Variants in ZPBP observed in about 807,000 individuals in gnomAD.
ZPBP encodes zona pellucida-binding protein 1.
In ZPBP, 26 loss-of-function variants were observed where a neutral mutation model predicts 44.8. That is an observed-to-expected ratio of 0.58 (90% CI 0.43 to 0.81). The LOEUF is 0.81. Among genes scored for constraint, ZPBP ranks in the 30% least tolerant of loss-of-function variants. The pLI, the probability that ZPBP is intolerant of heterozygous loss-of-function variation, is 0.00. For missense variants in ZPBP, 409 were observed against 434.0 expected, an observed-to-expected ratio of 0.94 and a Z score of 0.51; for synonymous variants, 174 against 153.2, an observed-to-expected ratio of 1.14 and a Z score of -1.00.
At chr7:49,913,838 T>C (rs1793585528) in intron 1 of ZPBP, 1 of 152,128 alleles carries the variant, frequency 6.6e-6, no homozygotes, top group Non-Finnish European at 1.5e-5. Flanking sequence ...TCTATCATAA[T>C]TGAAAAATTA....
intron 2 of ZPBP, among the ~76,000 whole-genome samples, chr7:49,876,855 A>G (rs970627009): frequency 6.6e-6 from 1 of 152,124 alleles, no homozygotes; most frequent in Non-Finnish European, 1.5e-5. Flanking sequence ...TCTAAAGAAT[A>G]TGACACAACG....
intron 2 of ZPBP, among the ~76,000 whole-genome samples, chr7:49,896,250 A>G (rs1354626560): frequency 6.6e-6 from 1 of 152,204 alleles, no homozygotes; most frequent in East Asian, 1.9e-4. Flanking sequence ...CTGAGGCACA[A>G]GAATCGCTTG....
intron 2 of ZPBP, among the ~76,000 whole-genome samples, chr7:50,083,106 A>G (rs1802455606): frequency 6.6e-6 from 1 of 151,874 alleles, no homozygotes. Context: ...CTTTGGCTTG[A>G]CAGTACCTCA....
At chr7:49,893,119 G>A (rs1792214961) in intron 2 of ZPBP, among the ~76,000 whole-genome samples, 3 of 152,156 alleles carry the variant, frequency 2.0e-5, no homozygotes, top group Admixed American at 2.0e-4. Context: ...AGAATGTTGA[G>A]CATGAGAATA....
chr7:50,022,911 T>C (rs2128807948), intron 5 of ZPBP, among the ~76,000 whole-genome samples: 1 of 152,226 alleles, frequency 6.6e-6, no homozygotes. Context: ...ATGAGGAGTA[T>C]TCTTGGGCAG....
At chr7:50,008,929 G>A (rs1378043221) in intron 6 of ZPBP, among the ~76,000 whole-genome samples, 1 of 151,984 alleles carries the variant, frequency 6.6e-6, no homozygotes, top group African/African-American at 2.4e-5. Context: ...ATAAGCAAAA[G>A]AGTAAATGAA....
intron 2 of ZPBP, among the ~76,000 whole-genome samples, chr7:49,875,369 C>CAAAAAAAAAAAAAAAAAAAAAA (rs71018432): frequency 2.1e-4 from 4 of 19,014 alleles, no homozygotes; most frequent in African/African-American, 2.2e-4. Context: ...GATTCTGACT[C>CAAAAAAAAAAAAAAAAAAAAAA]AAAAAAAAAA....
intron 2 of ZPBP, among the ~76,000 whole-genome samples, chr7:49,861,231 T>C (rs1790639479): frequency 6.6e-6 from 1 of 152,202 alleles, no homozygotes. Context: ...AATCCTATTG[T>C]GGTTTGTATT....
chr7:50,019,593 A>G (rs746951570), intron 5 of ZPBP, among the ~76,000 whole-genome samples: 2 of 152,162 alleles, frequency 1.3e-5, no homozygotes, highest in Non-Finnish European at 2.9e-5. Flanking sequence ...TGTTGATATG[A>G]AGATCATAAA....
At chr7:49,885,537 C>T (rs1041048701) in intron 2 of ZPBP, among the ~76,000 whole-genome samples, 24 of 152,082 alleles carry the variant, frequency 1.6e-4, no homozygotes, top group African/African-American at 5.8e-4. Context: ...TTTCTAATAA[C>T]GTTTTTCAGT....
intron 7 of ZPBP, among the ~76,000 whole-genome samples, chr7:49,939,463 G>A (rs1174936473): frequency 3.3e-5 from 5 of 151,946 alleles, no homozygotes; most frequent in African/African-American, 1.2e-4. Context: ...CTGTTAAGTA[G>A]AACTGGGGAA....
chr7:49,970,249 TCAAA>T (rs919824343), intron 7 of ZPBP, among the ~76,000 whole-genome samples: 140 of 152,234 alleles, frequency 9.2e-4, no homozygotes, highest in African/African-American at 3.2e-3. Context: ...CTTAAAATAC[TCAAA>T]CAGAGAATCA....
intron 4 of ZPBP, among the ~76,000 whole-genome samples, chr7:50,049,844 C>G (rs1042451217): frequency 1.3e-4 from 19 of 151,376 alleles, no homozygotes; most frequent in Non-Finnish European, 2.4e-4. Flanking sequence ...AAATAAATAA[C>G]AAATACACAG....
the ZPBP span, among the ~76,000 whole-genome samples, chr7:49,845,283 A>G: frequency 6.6e-6 from 1 of 151,174 alleles, no homozygotes; most frequent in Admixed American, 6.5e-5. Flanking sequence ...CTGGAACTTA[A>G]AAGTCGAAGG....
intron 2 of ZPBP, among the ~76,000 whole-genome samples, chr7:49,895,368 G>A (rs921358845): frequency 1.3e-5 from 2 of 152,094 alleles, no homozygotes; most frequent in Non-Finnish European, 2.9e-5. Context: ...CGAATTCCAG[G>A]GGGACACCAA....
At chr7:49,879,643 C>T (rs1250193932) in intron 2 of ZPBP, among the ~76,000 whole-genome samples, 1 of 152,142 alleles carries the variant, frequency 6.6e-6, no homozygotes, top group Admixed American at 6.6e-5. Flanking sequence ...CCAACCCCAA[C>T]TGGAAGGCCT....
intron 2 of ZPBP, among the ~76,000 whole-genome samples, chr7:49,884,402 C>A (rs1791807425): frequency 6.6e-6 from 1 of 152,180 alleles, no homozygotes. Flanking sequence ...AGTCTCAAAT[C>A]TGTCTCCTTG....
intron 2 of ZPBP, among the ~76,000 whole-genome samples, chr7:49,883,865 G>C (rs528989120): frequency 5.2e-4 from 79 of 152,278 alleles, no homozygotes; most frequent in Middle Eastern, 6.8e-3. Flanking sequence ...CTAGAATAAA[G>C]AAAACAAGTA....
chr7:49,924,592 G>A (rs916912055), intron 1 of ZPBP, among the ~76,000 whole-genome samples: 1 of 152,094 alleles, frequency 6.6e-6, no homozygotes, highest in Non-Finnish European at 1.5e-5. Flanking sequence ...CTACTCAGGA[G>A]GCCAAGGTCA....
Sources: allele counts gnomAD v4.1 joint callset (sites outside exome capture counted in the v4.1 genomes callset), GRCh38; gene constraint gnomAD v4.1.1; transcripts MANE v1.5; gene names NCBI Gene and HGNC (gene_info 2026-07-23, HGNC 2026-07-21).